Variants in NELL1 observed in about 807,000 individuals in gnomAD.
The protein encoded by NELL1 is neural EGFL like 1, also known as protein kinase C-binding protein NELL1.
A neutral mutation model predicts 107.4 loss-of-function variants in NELL1; 76 were observed. That is an observed-to-expected ratio of 0.71 (90% CI 0.59 to 0.86). NELL1 has a LOEUF of 0.86. NELL1 is among the 40% of genes least tolerant of loss of function. The pLI is 0.00. For missense variants in NELL1, 1,024 were observed against 1,005.5 expected (o/e 1.02, Z -0.25); for synonymous variants, 353 against 341.2 (o/e 1.03, Z -0.38).
intron 14 of NELL1, among the ~76,000 whole-genome samples, chr11:21,255,459 G>A (rs1248152220): frequency 6.6e-6 from 1 of 151,988 alleles, no homozygotes. Context: ...AATATCTTGT[G>A]TGCACTAGCT....
intron 5 of NELL1, among the ~76,000 whole-genome samples, chr11:20,893,256 T>TG (rs1393724734): frequency 2.0e-5 from 3 of 150,882 alleles, no homozygotes; most frequent in Non-Finnish European, 3.0e-5. Context: ...CAGGGCCTGT[T>TG]GGGGGGTGAG....
intron 2 of NELL1, among the ~76,000 whole-genome samples, chr11:20,756,507 T>G (rs1413947468): frequency 6.8e-6 from 1 of 147,216 alleles, no homozygotes; most frequent in African/African-American, 2.5e-5. Flanking sequence ...GCCGGGCTAA[T>G]TTTTTGTAAT....
intron 12 of NELL1, among the ~76,000 whole-genome samples, chr11:21,053,998 C>G (rs980519757): frequency 2.6e-5 from 4 of 152,064 alleles, no homozygotes; most frequent in African/African-American, 9.7e-5. Flanking sequence ...ACGTATCTTT[C>G]AAAACATGAT....
chr11:20,753,146 C>T lies in NELL1; in HGVS notation c.185-30534C>T, dbSNP rs7944599. 5.4e-3 allele frequency among the ~76,000 whole-genome samples: 818 copies of T among 152,324 alleles called. 7 individuals carry two copies. The highest frequency in any genetic ancestry group is 0.017 in the African/African-American group (708 of 41,570). ...TCTAATCCTGAGCCCAGATGAATCT[C>T]ATCCAAAGAAACAGAACAAATTTAG... On this transcript the variant is annotated intron_variant, in intron 2 of 19. Coordinates refer to ENST00000357134, the MANE Select transcript of NELL1 (RefSeq NM_006157.5).
chr11:21,305,615 A>C (rs1194001871), intron 14 of NELL1, among the ~76,000 whole-genome samples: 1 of 151,940 alleles, frequency 6.6e-6, no homozygotes, highest in African/African-American at 2.4e-5. Flanking sequence ...CAAACTACAT[A>C]TCTAGTAGTG....
At chr11:21,540,653 A>G (rs924767728) in intron 16 of NELL1, among the ~76,000 whole-genome samples, 2 of 151,874 alleles carry the variant, frequency 1.3e-5, no homozygotes, top group Non-Finnish European at 2.9e-5. Flanking sequence ...CTGGAGGAAG[A>G]GAGTGAAGGG....
intron 13 of NELL1, among the ~76,000 whole-genome samples, chr11:21,214,769 A>G (rs563914644): frequency 4.4e-4 from 50 of 112,876 alleles, no homozygotes; most frequent in African/African-American, 1.7e-3. Context: ...TATGGAGAAC[A>G]GGTTAGTGGT....
chr11:21,187,380 G>A (rs1240805206), intron 13 of NELL1, among the ~76,000 whole-genome samples: 1 of 151,758 alleles, frequency 6.6e-6, no homozygotes, highest in African/African-American at 2.4e-5. Context: ...GGTGGAAGAT[G>A]GTGCTAAGGT....
In NELL1 at chr11:21,258,822, C is replaced by T. The variant is rs527868064; in HGVS notation, c.1549+29368C>T. On this transcript the variant is annotated intron_variant, in intron 14 of 19. Coordinates refer to ENST00000357134, the MANE Select transcript of NELL1 (RefSeq NM_006157.5). Reference sequence around the variant, plus strand: ...TCCATTTTTATAATCTCATGAGTTGCTTAGAGATTAAGTGAGAAAATTTGT... The same window carrying T: ...TCCATTTTTATAATCTCATGAGTTGTTTAGAGATTAAGTGAGAAAATTTGT... 7.2e-5 allele frequency among the ~76,000 whole-genome samples: 11 copies of T among 152,012 alleles called. No homozygotes were observed. In the South Asian group the frequency reaches 1.4e-3, roughly 20 times the overall value.
chr11:21,148,413 G>T (rs141402654), intron 13 of NELL1, among the ~76,000 whole-genome samples: 2 of 152,170 alleles, frequency 1.3e-5, no homozygotes, highest in African/African-American at 4.8e-5. Context: ...AATGGGAATA[G>T]CAGGGTTTTA....
intron 3 of NELL1, among the ~76,000 whole-genome samples, chr11:20,793,622 C>T (rs941442878): frequency 1.6e-4 from 25 of 151,938 alleles, no homozygotes; most frequent in African/African-American, 4.8e-4. Flanking sequence ...TTTATGTTTC[C>T]TTGTGAATAT....
intron 13 of NELL1, among the ~76,000 whole-genome samples, chr11:21,228,205 G>A (rs1408701886): frequency 6.6e-6 from 1 of 152,182 alleles, no homozygotes; most frequent in Non-Finnish European, 1.5e-5. Flanking sequence ...TTTAGTTATA[G>A]AGGAGTCATT....
At chr11:21,461,362 G>A (rs1408573546) in intron 15 of NELL1, among the ~76,000 whole-genome samples, 2 of 152,056 alleles carry the variant, frequency 1.3e-5, no homozygotes, top group East Asian at 1.9e-4. Context: ...AAGGTTCTGA[G>A]CAGTTCGATA....
At chr11:21,248,663 C>A (rs1017427442) in intron 14 of NELL1, among the ~76,000 whole-genome samples, 1 of 152,134 alleles carries the variant, frequency 6.6e-6, no homozygotes, top group East Asian at 1.9e-4. Context: ...TGCCACCCAG[C>A]GTTCTTTTAC....
At chr11:20,966,834 C>T (rs1341590584) in intron 12 of NELL1, among the ~76,000 whole-genome samples, 1 of 151,996 alleles carries the variant, frequency 6.6e-6, no homozygotes, top group Admixed American at 6.6e-5. Flanking sequence ...CCTCCCCACC[C>T]CCTGCCGCCC....
chr11:21,375,500 A>G (rs1380981682), intron 15 of NELL1, among the ~76,000 whole-genome samples: 1 of 152,180 alleles, frequency 6.6e-6, no homozygotes, highest in Non-Finnish European at 1.5e-5. Context: ...TACTGTGAAT[A>G]GTGCTGCAAC....
intron 3 of NELL1, among the ~76,000 whole-genome samples, chr11:20,820,181 G>A (rs1222075754): frequency 6.6e-6 from 1 of 152,124 alleles, no homozygotes; most frequent in Non-Finnish European, 1.5e-5. Context: ...TCTTGTGCTT[G>A]GAGAACAGTG....
chr11:21,150,537 T>C (rs1856090920), intron 13 of NELL1, among the ~76,000 whole-genome samples: 1 of 152,168 alleles, frequency 6.6e-6, no homozygotes, highest in Non-Finnish European at 1.5e-5. Context: ...GGGTGAGCCC[T>C]GACTGTTACT....
chr11:21,571,675 G>T (rs1486292811), intron 18 of NELL1, among the ~76,000 whole-genome samples: 1 of 151,832 alleles, frequency 6.6e-6, no homozygotes, highest in African/African-American at 2.4e-5. Context: ...GCTACTAATG[G>T]TATAATTAGA....
Sources: gnomAD v4.1 joint callset for allele counts (sites outside exome capture counted in the v4.1 genomes callset) on GRCh38, gnomAD v4.1.1 for gene constraint, MANE v1.5 for transcripts, NCBI Gene and HGNC (gene_info 2026-07-23, HGNC 2026-07-21) for gene names.